The following ROR2 variants were observed in gnomAD, a reference collection of about 807,000 sequenced individuals.
ROR2 encodes the protein ROR family WNT receptor 2, also known as tyrosine-protein kinase transmembrane receptor ROR2.
A neutral mutation model predicts 74.9 loss-of-function variants in ROR2; 33 were observed. The observed-to-expected ratio is 0.44, with a 90% CI of 0.33 to 0.59. The LOEUF is 0.59. ROR2 is among the 20% of genes least tolerant of loss of function. ROR2 has a pLI of 0.02. For missense variants in ROR2, 1,216 were observed against 1,313.8 expected (o/e 0.93, Z 1.15); for synonymous variants, 586 against 558.7 (o/e 1.05, Z -0.69).
At chr9:91,815,222 T>C (rs577405871) in intron 1 of ROR2, among the ~76,000 whole-genome samples, 144 of 152,350 alleles carry the variant, frequency 9.5e-4, no homozygotes, top group Non-Finnish European at 1.8e-3. Flanking sequence ...CCTTTTTCCA[T>C]AATAAATGAT....
intron 1 of ROR2, among the ~76,000 whole-genome samples, chr9:91,883,917 TG>T (rs1830196340): frequency 6.6e-6 from 1 of 152,118 alleles, no homozygotes; most frequent in Non-Finnish European, 1.5e-5. Flanking sequence ...TAGCATGAGT[TG>T]CATCTGGAGG....
At chr9:91,732,801 A>G (rs1305890622) in intron 6 of ROR2, among the ~76,000 whole-genome samples, 1 of 152,174 alleles carries the variant, frequency 6.6e-6, no homozygotes, top group Non-Finnish European at 1.5e-5. Context: ...TTTCCACAGG[A>G]AGTGAGATCA....
At chr9:91,810,179 A>G (rs1343815850) in intron 1 of ROR2, among the ~76,000 whole-genome samples, 2 of 152,202 alleles carry the variant, frequency 1.3e-5, no homozygotes, top group Non-Finnish European at 2.9e-5. Flanking sequence ...TACGGTGGCG[A>G]CAGAATCAGA....
rs149408750 is a variant in ROR2, at chr9:91,934,067, C to T, written c.97+15800G>A. Among the ~76,000 whole-genome samples, 15 of 152,200 alleles carry T rather than the reference C, an allele frequency of 9.9e-5. No homozygotes were observed. The East Asian group carries it at 2.7e-3, about 27-fold the overall frequency. On this transcript the variant is annotated intron_variant, in intron 1 of 8. Coordinates refer to ENST00000375708, the MANE Select transcript of ROR2 (RefSeq NM_004560.4). ...ACAAGCACATGTGCGCAGAAAACAT[C>T]AGGAATGAAGCATCAAGTCTGTTCA...
chr9:91,920,642 T>C (rs1448635612), intron 1 of ROR2, among the ~76,000 whole-genome samples: 1 of 152,214 alleles, frequency 6.6e-6, no homozygotes, highest in East Asian at 1.9e-4. Context: ...ACCTGGTCTG[T>C]CTCAGGTGCT....
chr9:91,888,712 A>G (rs1340260050), intron 1 of ROR2, among the ~76,000 whole-genome samples: 2 of 152,244 alleles, frequency 1.3e-5, no homozygotes, highest in Admixed American at 6.5e-5. Context: ...ATGTGCATTA[A>G]TAAGAAACAA....
intron 1 of ROR2, among the ~76,000 whole-genome samples, chr9:91,843,341 C>T (rs1017367781): frequency 4.6e-5 from 7 of 152,212 alleles, no homozygotes; most frequent in African/African-American, 1.4e-4. Flanking sequence ...CCACGCTCCC[C>T]CGTGGGGCAG....
At chr9:91,799,361 G>A (rs958437364) in intron 1 of ROR2, among the ~76,000 whole-genome samples, 4 of 152,166 alleles carry the variant, frequency 2.6e-5, no homozygotes, top group African/African-American at 7.2e-5. Context: ...GAGTATGACC[G>A]TCCCAAGTGT....
intron 2 of ROR2, among the ~76,000 whole-genome samples, chr9:91,763,795 G>A (rs1379901310): frequency 1.3e-5 from 2 of 152,058 alleles, no homozygotes; most frequent in Non-Finnish European, 2.9e-5. Flanking sequence ...TATATCTTAT[G>A]ACATTTTTCT....
intron 1 of ROR2, among the ~76,000 whole-genome samples, chr9:91,863,731 G>A (rs1055562251): frequency 2.0e-5 from 3 of 152,024 alleles, no homozygotes; most frequent in Non-Finnish European, 4.4e-5. Flanking sequence ...AAGGAGATTC[G>A]CAGATGGCTG....
chr9:91,853,564 G>A (rs560906198), intron 1 of ROR2, among the ~76,000 whole-genome samples: 8 of 152,256 alleles, frequency 5.3e-5, no homozygotes, highest in Admixed American at 2.6e-4. Flanking sequence ...TGCAGGACCC[G>A]CTCTGAAGCC....
chr9:91,810,871 G>A (rs1587741271), intron 1 of ROR2, among the ~76,000 whole-genome samples: 1 of 152,238 alleles, frequency 6.6e-6, no homozygotes, highest in South Asian at 2.1e-4. Context: ...CCAGAGGGGA[G>A]ACATCGGCAC....
chr9:91,847,623 T>G lies in ROR2; in HGVS notation c.98-71805A>C, dbSNP rs538364427. Among the ~76,000 whole-genome samples the G allele has an allele frequency of 4.3e-4, 65 of 151,710 alleles. 1 individual carries two copies. The highest frequency in any genetic ancestry group is 7.5e-4 in the Non-Finnish European group (51 of 67,938). ...AGGCGGGACCCAACTGCACCCCAGC[T>G]CTCCTCCAGAGCCGCTTTTCTCATT... is the stretch of plus-strand genomic sequence containing the variant. On this transcript the variant is annotated intron_variant, in intron 1 of 8. Transcript: ENST00000375708.
intron 4 of ROR2, among the ~76,000 whole-genome samples, chr9:91,749,701 C>T (rs2118806558): frequency 6.6e-6 from 1 of 152,208 alleles, no homozygotes; most frequent in Middle Eastern, 3.4e-3. Context: ...TCACACAGGA[C>T]AGGGGTGATA....
At chr9:91,849,861 C>G (rs1489087924) in intron 1 of ROR2, among the ~76,000 whole-genome samples, 1 of 152,236 alleles carries the variant, frequency 6.6e-6, no homozygotes, top group Non-Finnish European at 1.5e-5. Context: ...GCATCACTAT[C>G]TGCATGCTAC....
chr9:91,788,453 C>A (rs147092653), intron 1 of ROR2, among the ~76,000 whole-genome samples: 2 of 151,662 alleles, frequency 1.3e-5, no homozygotes, highest in Non-Finnish European at 2.9e-5. Context: ...GCAGGAGAAG[C>A]GGTTTATCTC....
At chr9:91,760,507 G>A (rs745571814) in intron 2 of ROR2, among the ~76,000 whole-genome samples, 21 of 151,904 alleles carry the variant, frequency 1.4e-4, no homozygotes, top group Admixed American at 3.3e-4. Context: ...GGTGGCGGGC[G>A]CCTGTACTCC....
chr9:91,761,873 C>A (rs1016545537), intron 2 of ROR2, among the ~76,000 whole-genome samples: 1 of 152,192 alleles, frequency 6.6e-6, no homozygotes, highest in African/African-American at 2.4e-5. Context: ...TTCCTTACCC[C>A]TTCCATGTTC....
At chr9:91,763,713 T>G (rs1215378143) in intron 2 of ROR2, among the ~76,000 whole-genome samples, 1 of 152,244 alleles carries the variant, frequency 6.6e-6, no homozygotes, top group Non-Finnish European at 1.5e-5. Context: ...GTGTAAAATT[T>G]TCCTTCCACT....
Sources: allele counts gnomAD v4.1 joint callset (sites outside exome capture counted in the v4.1 genomes callset), GRCh38; gene constraint gnomAD v4.1.1; transcripts MANE v1.5; gene names NCBI Gene and HGNC (gene_info 2026-07-23, HGNC 2026-07-21).